Variants in ATP9B observed in about 807,000 individuals in gnomAD.
ATP9B encodes the protein probable phospholipid-transporting ATPase IIB.
In ATP9B, 110 loss-of-function variants were observed where a neutral mutation model predicts 146.1. The ratio of observed to expected loss-of-function variants is 0.75; its 90% CI spans 0.65 to 0.88. The LOEUF (loss-of-function observed/expected upper bound fraction) is 0.88. Ranked by LOEUF, ATP9B falls within the 40% of genes least tolerant of loss-of-function variation. The probability of loss-of-function intolerance (pLI) is 0.00; values close to 1 mark genes in which losing one functional copy is unlikely to be tolerated. For synonymous variants in ATP9B, 604 were observed against 569.7 expected (o/e 1.06, Z -0.86); for missense variants, 1,499 against 1,496.4 (o/e 1.00, Z -0.03).
chr18:79,113,150 G>T (rs1315265718), intron 3 of ATP9B, 91 bp from the exon 4 acceptor site: 1 of 655,266 alleles, frequency 1.5e-6, no homozygotes, highest in African/African-American at 1.9e-5. Context: ...TGGAAATGTG[G>T]TTATATGTTG....
chr18:79,160,265 T>G (rs544290285), intron 7 of ATP9B, among the ~76,000 whole-genome samples: 2 of 152,360 alleles, frequency 1.3e-5, no homozygotes, highest in African/African-American at 2.4e-5. Context: ...GTTGAATAAA[T>G]GCTCCTGGAA....
At chr18:79,227,716 TC>T (rs1008109687) in intron 11 of ATP9B, among the ~76,000 whole-genome samples, 9 of 152,302 alleles carry the variant, frequency 5.9e-5, no homozygotes, top group Admixed American at 2.6e-4. Context: ...CTGTTCTCCT[TC>T]CTCACTGCAT....
chr18:79,287,032 G>C (rs1254041106), intron 13 of ATP9B, among the ~76,000 whole-genome samples: 1 of 152,270 alleles, frequency 6.6e-6, no homozygotes, highest in Middle Eastern at 3.4e-3. Flanking sequence ...GTATTTTATT[G>C]AGGATGCTTG....
At chr18:79,199,434 TA>T (rs1482820827) in intron 9 of ATP9B, among the ~76,000 whole-genome samples, 1 of 152,192 alleles carries the variant, frequency 6.6e-6, no homozygotes, top group African/African-American at 2.4e-5. Context: ...TTTTAGTTTT[TA>T]AAAATTTTAC....
At chr18:79,338,626 G>A (rs942733077) in intron 19 of ATP9B, among the ~76,000 whole-genome samples, 10 of 152,178 alleles carry the variant, frequency 6.6e-5, no homozygotes, top group African/African-American at 1.4e-4. Flanking sequence ...CGGGGCACAC[G>A]CTCCCTGCCC....
chr18:79,221,624 C>T (rs533708915), intron 11 of ATP9B, among the ~76,000 whole-genome samples: 34 of 151,926 alleles, frequency 2.2e-4, no homozygotes, highest in African/African-American at 7.5e-4. Flanking sequence ...AAGAGGCTGA[C>T]GTGGGAGGAT....
Position 79,228,242 on chromosome 18 carries a change from A to G in ATP9B, c.1107+14204A>G, listed in dbSNP as rs558018179. Among the ~76,000 whole-genome samples, 27 of 152,368 alleles carry G rather than the reference A, an allele frequency of 1.8e-4. No homozygotes were observed. In the South Asian group the frequency reaches 3.5e-3, roughly 20 times the overall value. ...TGCTTGATGAGCAGAATTTTTGCAC[A>G]TCTGTTGTACCAGACTCCTCTGCCC... On this transcript the variant is annotated intron_variant, in intron 11 of 29. Transcript: ENST00000426216.
At chr18:79,205,726 A>G (rs2095527708) in intron 9 of ATP9B, among the ~76,000 whole-genome samples, 1 of 152,138 alleles carries the variant, frequency 6.6e-6, no homozygotes, top group Admixed American at 6.5e-5. Flanking sequence ...AATGTAGGCC[A>G]TGACTTTACA....
In ATP9B at chr18:79,209,512, C is replaced by T. The variant is rs186823616; in HGVS notation, c.1030+2500C>T. The T allele has an allele frequency of 2.3e-3, 501 of 214,658 alleles. 3 individuals carry two copies. The highest frequency in any genetic ancestry group is 0.011 in the African/African-American group (451 of 42,680). 13.3% of individuals were successfully genotyped at this position (214,658 alleles called of 1,614,324 possible). A position where few individuals can be genotyped will look rare whatever the true frequency, so the allele number is the denominator to read the frequency against. On this transcript the variant is annotated intron_variant, in intron 10 of 29. Coordinates refer to ENST00000426216, the MANE Select transcript of ATP9B (RefSeq NM_198531.5). ...CTAAAGGCTTTTGAGACATCCCATA[C>T]GGTTCCCTGAACAAAGTTTTCTCTC... is the stretch of plus-strand genomic sequence containing the variant.
chr18:79,203,330 G>T (rs1318724562), intron 9 of ATP9B, among the ~76,000 whole-genome samples: 1 of 148,772 alleles, frequency 6.7e-6, no homozygotes, highest in African/African-American at 2.5e-5. Context: ...AGGCAGGAGG[G>T]CGTAGAGGAG....
intron 15 of ATP9B, among the ~76,000 whole-genome samples, chr18:79,311,109 G>A (rs1300256934): frequency 6.6e-6 from 1 of 150,952 alleles, no homozygotes; most frequent in Non-Finnish European, 1.5e-5. Context: ...CCAGGATCAC[G>A]CCACTGCACT....
At chr18:79,234,297 A>G (rs114281009) in intron 11 of ATP9B, among the ~76,000 whole-genome samples, 2,418 of 152,326 alleles carry the variant, frequency 0.016, 65 homozygotes, top group African/African-American at 0.056. Context: ...AACACATTCA[A>G]ATAATTTAGA....
At chr18:79,242,030 G>A (rs766582713) in intron 11 of ATP9B, among the ~76,000 whole-genome samples, 30 of 152,216 alleles carry the variant, frequency 2.0e-4, no homozygotes, top group Non-Finnish European at 4.1e-4. Flanking sequence ...AGGGAGCACC[G>A]CCGTGGGCCT....
At chr18:79,301,400 G>T (rs1275584734) in intron 13 of ATP9B, among the ~76,000 whole-genome samples, 1 of 152,186 alleles carries the variant, frequency 6.6e-6, no homozygotes, top group East Asian at 1.9e-4. Flanking sequence ...GCTGAGGCAG[G>T]AGAATTGCTT....
At position 79,374,105 on chromosome 18, in the gene ATP9B, A is replaced by T; in HGVS notation, c.3274+4A>T. The T allele has an allele frequency of 6.2e-7, 1 of 1,613,798 alleles. No homozygotes were observed. Among genetic ancestry groups the T allele is most frequent in the Non-Finnish European group, 8.5e-7 (1 of 1,179,862 alleles). On this transcript the variant is annotated splice_donor_region_variant and intron_variant, in intron 28 of 29. Transcript: ENST00000426216. The stretch of plus-strand genomic sequence containing the variant: ...GCTTTTCTCAATGAATATTTTGGTA[A>T]GTTGCCTTGGAATTGTTTTTTGAAT...
chr18:79,175,142 A>G (rs992639966), intron 7 of ATP9B, among the ~76,000 whole-genome samples: 1 of 149,894 alleles, frequency 6.7e-6, no homozygotes, highest in Non-Finnish European at 1.5e-5. Context: ...TGGAGGTTGC[A>G]GTGAGCCGCG....
In ATP9B at chr18:79,176,224, C is replaced by G. The variant is rs536652518; in HGVS notation, c.779-589C>G. The stretch of plus-strand genomic sequence containing the variant: ...GTGTGTATGTCATTTTGTGCTTTTG[C>G]TATTCCATCATTAGAATAGATTCTG... On this transcript the variant is annotated intron_variant, in intron 7 of 29. Coordinates refer to ENST00000426216, the MANE Select transcript of ATP9B (RefSeq NM_198531.5). 1.3e-3 allele frequency among the ~76,000 whole-genome samples: 201 copies of G among 152,270 alleles called. 2 individuals are homozygous for G. The highest frequency in any genetic ancestry group is 6.8e-3 in the Middle Eastern group (2 of 294).
At chr18:79,248,633 G>A (rs913199474) in intron 11 of ATP9B, among the ~76,000 whole-genome samples, 3 of 152,236 alleles carry the variant, frequency 2.0e-5, no homozygotes, top group African/African-American at 4.8e-5. Flanking sequence ...CTCTGCTAGT[G>A]CAGAGTAGCA....
At chr18:79,305,479 C>A (rs1261008445) in intron 14 of ATP9B, among the ~76,000 whole-genome samples, 1 of 151,812 alleles carries the variant, frequency 6.6e-6, no homozygotes, top group Non-Finnish European at 1.5e-5. Context: ...CATTTAGATA[C>A]GGAATATTTG....
Sources: allele counts gnomAD v4.1 joint callset (sites outside exome capture counted in the v4.1 genomes callset), GRCh38; gene constraint gnomAD v4.1.1; transcripts MANE v1.5; gene names NCBI Gene and HGNC (gene_info 2026-07-23, HGNC 2026-07-21).